Variants in CRY1 observed in about 807,000 individuals in gnomAD.
CRY1 encodes cryptochrome-1.
In CRY1, 45 loss-of-function variants were observed where a neutral mutation model predicts 76.0. The observed-to-expected ratio is 0.59, with a 90% confidence interval of 0.47 to 0.76. CRY1 has a LOEUF of 0.76. Ranked by LOEUF, CRY1 falls within the 30% of genes least tolerant of loss-of-function variation. CRY1 has a pLI of 0.00. For missense variants in CRY1, 587 were observed against 716.4 expected, an observed-to-expected ratio of 0.82 and a Z score of 2.06; for synonymous variants, 248 against 244.0, an observed-to-expected ratio of 1.02 and a Z score of -0.15.
In CRY1 at chr12:107,036,585, GTTT is replaced by G. The variant is rs61321189; in HGVS notation, c.159-14396_159-14394del. ...CTTCCCAGTCCATTTAAAGTTGGTG[GTTT>G]TTTTTTTTTTTTAAGTCCTTAAAAT... On this transcript the variant is annotated intron_variant, in intron 1 of 12. Transcript: ENST00000008527. Among the ~76,000 whole-genome samples, 4 of 139,068 alleles carry G rather than the reference GTTT, an allele frequency of 2.9e-5. No homozygotes were observed. The South Asian group carries it at 9.2e-4, about 32-fold the overall frequency. The allele number at this position is 139,068 out of a possible 152,430, so 91.2% of individuals were successfully genotyped here.
chr12:107,023,114 C>G (rs1181007160), intron 1 of CRY1, among the ~76,000 whole-genome samples: 6 of 152,136 alleles, frequency 3.9e-5, no homozygotes, highest in African/African-American at 1.4e-4. Context: ...TTCAGCTGGA[C>G]GTATCTTATT....
chr12:107,026,235 C>T lies in CRY1; in HGVS notation c.159-4043G>A, dbSNP rs1047819660. ...GATTTCAAATTAAGTCAGTTCTCCC[C>T]ATCTCTCTCTTTCTGAGACACAGTC... On this transcript the variant is annotated intron_variant, in intron 1 of 12. Transcript: ENST00000008527. 3.9e-5 allele frequency among the ~76,000 whole-genome samples: 3 copies of T among 77,596 alleles called. No individual in the cohort carries two copies. The South Asian group carries it at 1.6e-3, about 40-fold the overall frequency. 50.9% of individuals were successfully genotyped at this position (77,596 alleles called of 152,430 possible). A position where few individuals can be genotyped will look rare whatever the true frequency, so the allele number is the denominator to read the frequency against.
intron 5 of CRY1, among the ~76,000 whole-genome samples, chr12:107,001,023 T>C (rs966206267): frequency 5.9e-5 from 9 of 152,140 alleles, no homozygotes; most frequent in African/African-American, 1.9e-4. Flanking sequence ...GGCCACTAGA[T>C]ACTAGCTTAG....
intron 1 of CRY1, among the ~76,000 whole-genome samples, chr12:107,033,616 CATAGA>C (rs1297355523): frequency 3.3e-5 from 5 of 152,080 alleles, no homozygotes; most frequent in African/African-American, 7.2e-5. Flanking sequence ...TCACCTCATT[CATAGA>C]ATAAAGAAGA....
intron 3 of CRY1, 145 bp downstream of exon 3, chr12:107,004,961 G>A: frequency 1.5e-6 from 1 of 665,370 alleles, no homozygotes; most frequent in African/African-American, 1.8e-5. Context: ...ACTCTGTGAA[G>A]TACATGTTAT....
intron 1 of CRY1, among the ~76,000 whole-genome samples, chr12:107,032,289 T>C (rs1347240033): frequency 6.6e-6 from 1 of 152,114 alleles, no homozygotes; most frequent in African/African-American, 2.4e-5. Context: ...AATGTTAATA[T>C]TACAGGAAAC....
Position 106,997,366 on chromosome 12 carries a change from A to G in CRY1, c.1513T>C (p.Ser505Pro). 1 of 1,614,018 alleles carries G rather than the reference A, an allele frequency of 6.2e-7. No individual in the cohort carries two copies. Among genetic ancestry groups the G allele is most frequent in the South Asian group, 1.1e-5 (1 of 91,050 alleles). The change falls in exon 10 of 13, where the codon TCT becomes CCT. Residue 505 changes from serine to proline, a missense_variant. Physicochemically the swap from Ser to Pro is moderately conservative, Grantham distance 74. Coordinates refer to ENST00000008527, the MANE Select transcript of CRY1 (RefSeq NM_004075.5). Reference sequence around the variant, plus strand: ...AAGCCTCCATTCCCATTAGGATTAGAAGGTACTGATGCCAGAAGACCTAAA... The same window carrying G: ...AAGCCTCCATTCCCATTAGGATTAGGAGGTACTGATGCCAGAAGACCTAAA... ...RGLGLLASVP[S>P]NPNGNGGFMG...
At chr12:107,012,121 C>T (rs1297792108) in intron 2 of CRY1, among the ~76,000 whole-genome samples, 2 of 152,136 alleles carry the variant, frequency 1.3e-5, no homozygotes. Context: ...GCCCAGGAGG[C>T]GAAGGCTGCA....
chr12:107,001,265 T>G lies in CRY1; in HGVS notation c.684+15A>C, dbSNP rs753163872. 6.3e-7 allele frequency: 1 copy of G among 1,588,294 alleles called. No homozygotes were observed. The highest frequency in any genetic ancestry group is 8.6e-7 in the Non-Finnish European group (1 of 1,161,220). On this transcript the variant is annotated intron_variant, in intron 5 of 12. Coordinates refer to ENST00000008527, the MANE Select transcript of CRY1 (RefSeq NM_004075.5). ...TGGAAATACAAGCATAGCTATATAA[T>G]CTACATTATCATACTTTTCTTTCCA...
intron 1 of CRY1, among the ~76,000 whole-genome samples, chr12:107,061,130 A>G (rs1452445063): frequency 1.3e-5 from 2 of 152,196 alleles, no homozygotes; most frequent in Admixed American, 6.5e-5. Flanking sequence ...TTTAACATAT[A>G]TGTGGACCAC....
At chr12:107,058,430 A>G (rs1461137699) in intron 1 of CRY1, among the ~76,000 whole-genome samples, 1 of 152,184 alleles carries the variant, frequency 6.6e-6, no homozygotes, top group Non-Finnish European at 1.5e-5. Flanking sequence ...TCAAGTTGAG[A>G]AAATAGTTAC....
chr12:107,006,919 C>T (rs1952383160), intron 2 of CRY1, among the ~76,000 whole-genome samples: 1 of 152,162 alleles, frequency 6.6e-6, no homozygotes, highest in Non-Finnish European at 1.5e-5. Flanking sequence ...GCTGGGATTA[C>T]AGGCGTGAGC....
At chr12:106,999,087 A>G (rs1203787448) in intron 7 of CRY1, among the ~76,000 whole-genome samples, 1 of 151,740 alleles carries the variant, frequency 6.6e-6, no homozygotes, top group East Asian at 1.9e-4. Context: ...TATTACGTGT[A>G]ATCCACAAGA....
chr12:106,995,642 T>C lies in CRY1; in HGVS notation c.1585+1652A>G, dbSNP rs556954416. Among the ~76,000 whole-genome samples, 10 of 152,040 alleles carry C rather than the reference T, an allele frequency of 6.6e-5. No individual in the cohort carries two copies. The South Asian group carries it at 2.1e-3, about 32-fold the overall frequency. The stretch of plus-strand genomic sequence containing the variant: ...ATCACATGTATAGATTTCTTTTTTC[T>C]TTTTTTTCCCTTCAATTTTTATTTT... On this transcript the variant is annotated intron_variant, in intron 10 of 12. Coordinates refer to ENST00000008527, the MANE Select transcript of CRY1 (RefSeq NM_004075.5).
chr12:107,000,651 A>T (rs956331389), intron 5 of CRY1, among the ~76,000 whole-genome samples: 1 of 144,344 alleles, frequency 6.9e-6, no homozygotes, highest in Non-Finnish European at 1.5e-5. Flanking sequence ...GGCCTGGAAA[A>T]TTTATTTATT....
At chr12:107,005,798 A>G (rs1593497290) in intron 2 of CRY1, among the ~76,000 whole-genome samples, 1 of 152,114 alleles carries the variant, frequency 6.6e-6, no homozygotes, top group Non-Finnish European at 1.5e-5. Context: ...TGATTACTAA[A>G]AAACGTTAAC....
chr12:107,046,558 T>C (rs775077994), intron 1 of CRY1, among the ~76,000 whole-genome samples: 1 of 152,096 alleles, frequency 6.6e-6, no homozygotes, highest in Non-Finnish European at 1.5e-5. Context: ...AATAATAAAT[T>C]GATTAAATTC....
intron 10 of CRY1, among the ~76,000 whole-genome samples, chr12:106,994,821 T>G (rs1197237748): frequency 6.6e-6 from 1 of 152,200 alleles, no homozygotes; most frequent in East Asian, 1.9e-4. Context: ...CTCACTCATG[T>G]GTGGGCTGAC....
intron 1 of CRY1, among the ~76,000 whole-genome samples, chr12:107,067,933 T>C (rs1477025637): frequency 6.6e-6 from 1 of 152,252 alleles, no homozygotes; most frequent in Non-Finnish European, 1.5e-5. Context: ...CCAATCATCA[T>C]TCTCTTTGTA....
Sources: allele counts gnomAD v4.1 joint callset (sites outside exome capture counted in the v4.1 genomes callset), GRCh38; gene constraint gnomAD v4.1.1; transcripts MANE v1.5; gene names NCBI Gene and HGNC (gene_info 2026-07-23, HGNC 2026-07-21).